NTRK2: variants seen among roughly 807,000 people sequenced by gnomAD.
NTRK2 encodes neurotrophic receptor tyrosine kinase 2, also known as BDNF/NT-3 growth factors receptor.
Under a neutral mutation model 94.5 loss-of-function variants are expected in NTRK2, and 13 were observed. The ratio of observed to expected loss-of-function variants is 0.14; its 90% CI spans 0.09 to 0.22. The LOEUF is 0.22. Among genes scored for constraint, NTRK2 ranks in the 10% least tolerant of loss-of-function variants. NTRK2 has a pLI of 1.00. For missense variants in NTRK2, 639 were observed against 1,071.2 expected, an observed-to-expected ratio of 0.60 and a Z score of 5.63; for synonymous variants, 372 against 407.4, an observed-to-expected ratio of 0.91 and a Z score of 1.05.
intron 15 of NTRK2, among the ~76,000 whole-genome samples, chr9:84,936,170 A>G (rs1408566930): frequency 6.6e-6 from 1 of 152,208 alleles, no homozygotes; most frequent in Non-Finnish European, 1.5e-5. Context: ...CCTCAGGCAG[A>G]TATAGAGATA....
intron 2 of NTRK2, among the ~76,000 whole-genome samples, chr9:84,693,498 A>AT (rs979754723): frequency 2.6e-5 from 4 of 152,160 alleles, no homozygotes; most frequent in East Asian, 1.9e-4. Context: ...TATTTTGAAG[A>AT]TTTTTTCTCA....
intron 12 of NTRK2, among the ~76,000 whole-genome samples, chr9:84,757,531 A>C (rs192430798): frequency 6.6e-6 from 1 of 152,248 alleles, no homozygotes; most frequent in African/African-American, 2.4e-5. Context: ...TGGATCTGAA[A>C]CCTGGCTCTG....
Position 84,955,364 on chromosome 9 carries a change from C to G in NTRK2, c.2019C>G (p.Ala673=), listed in dbSNP as rs2132974797. Residue 673 remains alanine, a synonymous_variant, in exon 17 of 19, where the codon GCC becomes GCG. Transcript: ENST00000277120. ...CGCAGTCGCAGATGCTGCATATAGC[C>G]CAGCAGATCGCCGCGGGCATGGTCT... ...ELTQSQMLHI[A]QQIAAGMVYL... is the part of the protein sequence containing the mutation. 2 of 1,613,798 alleles carry G rather than the reference C, an allele frequency of 1.2e-6. No individual in the cohort carries two copies. The highest frequency in any genetic ancestry group is 1.7e-6 in the Non-Finnish European group (2 of 1,179,862).
intron 17 of NTRK2, among the ~76,000 whole-genome samples, chr9:84,975,283 A>C (rs1227288116): frequency 1.3e-5 from 2 of 152,108 alleles, no homozygotes; most frequent in African/African-American, 4.8e-5. Flanking sequence ...CTAGGCAATC[A>C]CTTCTAAACA....
chr9:84,912,881 G>A (rs903432827), intron 14 of NTRK2, among the ~76,000 whole-genome samples: 1 of 152,160 alleles, frequency 6.6e-6, no homozygotes, highest in Admixed American at 6.5e-5. Context: ...CTCCCAAAGT[G>A]CTGGGATTAC....
At chr9:84,819,519 T>A (rs745327051) in intron 12 of NTRK2, among the ~76,000 whole-genome samples, 7 of 152,204 alleles carry the variant, frequency 4.6e-5, no homozygotes, top group Non-Finnish European at 8.8e-5. Flanking sequence ...GGTTGATTGA[T>A]TACCTCTCCA....
intron 12 of NTRK2, among the ~76,000 whole-genome samples, chr9:84,848,307 G>A (rs140713360): frequency 8.7e-4 from 132 of 152,204 alleles, no homozygotes; most frequent in African/African-American, 2.7e-3. Flanking sequence ...ATGATAATCC[G>A]CAGCTGTGCA....
intron 17 of NTRK2, among the ~76,000 whole-genome samples, chr9:84,985,253 A>G (rs191817887): frequency 1.0e-3 from 152 of 152,120 alleles, no homozygotes; most frequent in Non-Finnish European, 1.8e-3. Flanking sequence ...CTTTCTGAAA[A>G]CCCTATAATT....
At chr9:84,912,784 A>AT (rs2077279391) in intron 14 of NTRK2, among the ~76,000 whole-genome samples, 1 of 151,168 alleles carries the variant, frequency 6.6e-6, no homozygotes, top group Non-Finnish European at 1.5e-5. Context: ...CCCCCGGCTA[A>AT]TTTTTGTATT....
At chr9:84,971,538 G>C (rs1297685965) in intron 17 of NTRK2, among the ~76,000 whole-genome samples, 1 of 152,246 alleles carries the variant, frequency 6.6e-6, no homozygotes, top group Admixed American at 6.5e-5. Context: ...CCCGTGGCAA[G>C]AGAAGCAGAA....
At chr9:84,924,854 C>T (rs2077701681) in intron 14 of NTRK2, among the ~76,000 whole-genome samples, 1 of 152,202 alleles carries the variant, frequency 6.6e-6, no homozygotes, top group Admixed American at 6.5e-5. Context: ...CATTTGCTGG[C>T]ATTGGATGTT....
Position 84,706,818 on chromosome 9 carries a change from C to T in NTRK2, c.360-1026C>T, listed in dbSNP as rs183102605. 9.3e-4 allele frequency among the ~76,000 whole-genome samples: 142 copies of T among 152,238 alleles called. 2 individuals carry two copies. The Middle Eastern group carries it at 0.017, about 18-fold the overall frequency. On this transcript the variant is annotated intron_variant, in intron 4 of 18. Transcript: ENST00000277120. ...GTGCTGGGATTACAGGCGTGAGCCA[C>T]CGCACCTGGCCAGATCTCATGTTTT... is the stretch of plus-strand genomic sequence containing the variant.
At chr9:84,679,816 G>C (rs1485688218) in intron 2 of NTRK2, among the ~76,000 whole-genome samples, 1 of 152,210 alleles carries the variant, frequency 6.6e-6, no homozygotes, top group African/African-American at 2.4e-5. Context: ...TTTAAGTCCA[G>C]CTCTGCCGTT....
intron 11 of NTRK2, among the ~76,000 whole-genome samples, chr9:84,751,214 T>C (rs887073109): frequency 6.6e-6 from 1 of 152,192 alleles, no homozygotes; most frequent in Non-Finnish European, 1.5e-5. Context: ...CCTTTTATTA[T>C]GGACAATTTT....
Position 84,801,426 on chromosome 9 carries a change from A to G in NTRK2, c.1396+49341A>G, listed in dbSNP as rs143651338. Among the ~76,000 whole-genome samples, 81 of 152,294 alleles carry G rather than the reference A, an allele frequency of 5.3e-4. 1 individual carries two copies. The East Asian group carries it at 0.015, about 29-fold the overall frequency. On this transcript the variant is annotated intron_variant, in intron 12 of 18. Coordinates refer to ENST00000277120, the MANE Select transcript of NTRK2 (RefSeq NM_006180.6). ...TAGTACAGACAGTCCCTGACTTAGGATGGTTCAACTTAGAATTTTTTAACT... is the reference window on the plus strand; with the variant it reads ...TAGTACAGACAGTCCCTGACTTAGGGTGGTTCAACTTAGAATTTTTTAACT...
intron 17 of NTRK2, 32 bp from the exon 18 acceptor site, chr9:85,020,174 T>C (rs1414726217): frequency 3.7e-6 from 6 of 1,613,308 alleles, no homozygotes; most frequent in Non-Finnish European, 5.1e-6. Context: ...TCGGGGTGAC[T>C]GATGCCTCCC....
At chr9:84,781,673 C>A (rs1365880630) in intron 12 of NTRK2, among the ~76,000 whole-genome samples, 1 of 152,076 alleles carries the variant, frequency 6.6e-6, no homozygotes, top group Non-Finnish European at 1.5e-5. Flanking sequence ...GGCCCACAGA[C>A]AACAAGAACA....
chr9:84,761,576 T>A (rs1322407413), intron 12 of NTRK2, among the ~76,000 whole-genome samples: 1 of 152,180 alleles, frequency 6.6e-6, no homozygotes, highest in Non-Finnish European at 1.5e-5. Context: ...AATCACACAC[T>A]CACTACAAAA....
At chr9:84,778,274 A>T (rs2067247384) in intron 12 of NTRK2, among the ~76,000 whole-genome samples, 1 of 152,152 alleles carries the variant, frequency 6.6e-6, no homozygotes, top group South Asian at 2.1e-4. Context: ...ATAAACAAAA[A>T]CAAAAACAAA....
Sources: gnomAD v4.1 joint callset for allele counts (sites outside exome capture counted in the v4.1 genomes callset) on GRCh38, gnomAD v4.1.1 for gene constraint, MANE v1.5 for transcripts, NCBI Gene and HGNC (gene_info 2026-07-23, HGNC 2026-07-21) for gene names.